The following DLGAP2 variants were observed in gnomAD, a reference collection of about 807,000 sequenced individuals.
DLGAP2 encodes DLG associated protein 2.
Under a neutral mutation model 100.3 loss-of-function variants are expected in DLGAP2, and 26 were observed. The ratio of observed to expected loss-of-function variants is 0.26; its 90% CI spans 0.19 to 0.36. The LOEUF (loss-of-function observed/expected upper bound fraction) is 0.36, where lower values mean the gene tolerates loss of function less well. DLGAP2 is among the 10% of genes least tolerant of loss of function. DLGAP2 has a pLI of 1.00. For missense variants in DLGAP2, 1,858 were observed against 1,453.2 expected (o/e 1.28, Z -4.53); for synonymous variants, 886 against 630.1 (o/e 1.41, Z -6.08).
intron 5 of DLGAP2, among the ~76,000 whole-genome samples, chr8:1,552,337 C>T (rs890585017): frequency 6.6e-6 from 1 of 152,256 alleles, no homozygotes; most frequent in East Asian, 1.9e-4. Flanking sequence ...CCCACATCCG[C>T]CTCCCAGTGA....
At chr8:1,194,793 C>G (rs887317499) in intron 2 of DLGAP2, among the ~76,000 whole-genome samples, 6 of 152,204 alleles carry the variant, frequency 3.9e-5, no homozygotes, top group Admixed American at 3.3e-4. Flanking sequence ...ACAGAAGTCT[C>G]TTATCGTCCT....
intron 3 of DLGAP2, among the ~76,000 whole-genome samples, chr8:1,270,211 G>A (rs1179250556): frequency 6.6e-6 from 1 of 152,132 alleles, no homozygotes; most frequent in Non-Finnish European, 1.5e-5. Context: ...CCAACAGCAT[G>A]GGATTGAGAA....
chr8:1,686,708 T>C lies in DLGAP2; in HGVS notation c.2705-4827T>C, dbSNP rs144228966. ...AAGCAGAGCTCATGAAGGTGGAGAG[T>C]AGATTGGTGGTTACCGGAACAGGAG... On this transcript the variant is annotated intron_variant, in intron 12 of 14. Transcript: ENST00000637795. Among the ~76,000 whole-genome samples the C allele has an allele frequency of 4.0e-3, 594 of 147,544 alleles. 6 individuals are homozygous for C. Among genetic ancestry groups the C allele is most frequent in the African/African-American group, 0.014 (571 of 40,126 alleles).
chr8:1,032,533 C>G (rs1468455599), intron 2 of DLGAP2: 3 of 152,236 alleles, frequency 2.0e-5, no homozygotes, highest in Non-Finnish European at 4.4e-5. Flanking sequence ...AGTCCACCCA[C>G]AGCTGTTTTC....
chr8:1,441,074 A>G (rs979280898), intron 3 of DLGAP2, among the ~76,000 whole-genome samples: 1 of 152,214 alleles, frequency 6.6e-6, no homozygotes, highest in African/African-American at 2.4e-5. Context: ...CTGAAGGGAA[A>G]AGTCTATGTT....
At chr8:1,148,655 TTTTA>T (rs1447796783) in intron 2 of DLGAP2, among the ~76,000 whole-genome samples, 4 of 152,176 alleles carry the variant, frequency 2.6e-5, no homozygotes, top group Non-Finnish European at 5.9e-5. Flanking sequence ...CTAATTTTCA[TTTTA>T]TTTCTCTTTT....
chr8:1,329,127 G>C (rs928693147), intron 3 of DLGAP2, among the ~76,000 whole-genome samples: 2 of 152,248 alleles, frequency 1.3e-5, no homozygotes, highest in Admixed American at 1.3e-4. Flanking sequence ...GAAGGTGACA[G>C]ATTCAAATGT....
At chr8:1,022,644 C>T (rs1400112128) in intron 2 of DLGAP2, among the ~76,000 whole-genome samples, 2 of 149,156 alleles carry the variant, frequency 1.3e-5, no homozygotes, top group Non-Finnish European at 3.0e-5. Context: ...CAGCACCCAC[C>T]CTCCCTGGGA....
intron 3 of DLGAP2, among the ~76,000 whole-genome samples, chr8:1,441,472 A>C (rs143577067): frequency 0.014 from 2,092 of 152,076 alleles, 51 homozygotes; most frequent in African/African-American, 0.047. Flanking sequence ...GGCAGATCAC[A>C]AGGTCAAGAG....
At chr8:1,068,187 GT>G (rs1563174342) in intron 2 of DLGAP2, among the ~76,000 whole-genome samples, 1 of 152,170 alleles carries the variant, frequency 6.6e-6, no homozygotes, top group Non-Finnish European at 1.5e-5. Flanking sequence ...AATGCTCATA[GT>G]TTATCTGTTC....
chr8:1,074,040 TCAGGA>T, intron 2 of DLGAP2, among the ~76,000 whole-genome samples: 1 of 142,810 alleles, frequency 7.0e-6, no homozygotes, highest in African/African-American at 2.9e-5. Flanking sequence ...AGGTACATAT[TCAGGA>T]TTCACTGTCA....
chr8:823,162 C>G (rs910192992), intron 1 of DLGAP2, among the ~76,000 whole-genome samples: 3 of 152,082 alleles, frequency 2.0e-5, no homozygotes, highest in Admixed American at 6.5e-5. Flanking sequence ...AGTTCCGATA[C>G]TTTCTCTACC....
chr8:855,710 G>T (rs1215678559), intron 1 of DLGAP2, among the ~76,000 whole-genome samples: 1 of 152,164 alleles, frequency 6.6e-6, no homozygotes, highest in Non-Finnish European at 1.5e-5. Flanking sequence ...TACAAAACAG[G>T]TTGAAGCTTT....
At chr8:1,186,415 C>T (rs1250178569) in intron 2 of DLGAP2, among the ~76,000 whole-genome samples, 1 of 152,222 alleles carries the variant, frequency 6.6e-6, no homozygotes, top group Non-Finnish European at 1.5e-5. Flanking sequence ...GGGACAGTTC[C>T]CAGGCCTCCT....
intron 3 of DLGAP2, among the ~76,000 whole-genome samples, chr8:1,325,880 T>A (rs985648119): frequency 1.3e-5 from 2 of 152,228 alleles, no homozygotes; most frequent in African/African-American, 2.4e-5. Flanking sequence ...TCTTCTGTTT[T>A]GATCTCCTTT....
intron 4 of DLGAP2, among the ~76,000 whole-genome samples, chr8:1,538,698 T>C (rs939666612): frequency 1.3e-5 from 2 of 152,048 alleles, no homozygotes; most frequent in African/African-American, 2.4e-5. Flanking sequence ...GATTGTACCA[T>C]TGTCATTCCA....
intron 6 of DLGAP2, among the ~76,000 whole-genome samples, chr8:1,602,551 T>G (rs909113714): frequency 3.9e-5 from 6 of 152,214 alleles, no homozygotes; most frequent in African/African-American, 1.2e-4. Flanking sequence ...GCATCAGGCC[T>G]CAGGCCTGCC....
At chr8:1,510,607 C>G (rs997595548) in intron 4 of DLGAP2, among the ~76,000 whole-genome samples, 1 of 152,212 alleles carries the variant, frequency 6.6e-6, no homozygotes, top group African/African-American at 2.4e-5. Flanking sequence ...TGCTTAACGC[C>G]ACAGCAAACA....
chr8:1,462,629 C>T (rs1407599667), intron 3 of DLGAP2, among the ~76,000 whole-genome samples: 1 of 152,158 alleles, frequency 6.6e-6, no homozygotes. Context: ...TAGTTCAGTT[C>T]CTCCCGCACT....
Sources: gnomAD v4.1 joint callset for allele counts (sites outside exome capture counted in the v4.1 genomes callset) on GRCh38, gnomAD v4.1.1 for gene constraint, MANE v1.5 for transcripts, NCBI Gene and HGNC (gene_info 2026-07-23, HGNC 2026-07-21) for gene names.